The following NLRC5 variants were observed in gnomAD, a reference collection of about 807,000 sequenced individuals.
NLRC5 encodes the protein protein NLRC5.
In NLRC5, 114 loss-of-function variants were observed where a neutral mutation model predicts 206.9. The observed-to-expected ratio is 0.55, with a 90% CI of 0.47 to 0.64. The LOEUF (loss-of-function observed/expected upper bound fraction) is 0.64, where lower values mean the gene tolerates loss of function less well. Ranked by LOEUF, NLRC5 falls within the 30% of genes least tolerant of loss-of-function variation. The pLI is 0.00. For missense variants in NLRC5, 2,008 were observed against 2,305.5 expected (o/e 0.87, Z 2.64); for synonymous variants, 952 against 962.8 (o/e 0.99, Z 0.21).
intron 1 of NLRC5, chr16:57,013,003 G>C (rs1334312226): frequency 1.3e-5 from 2 of 159,176 alleles, no homozygotes; most frequent in African/African-American, 4.8e-5. Flanking sequence ...CACTCATATT[G>C]CCATATGTAT....
In NLRC5 at chr16:57,030,034, C is replaced by T. The variant is rs1468399327; in HGVS notation, c.2367C>T (p.Cys789=). 4 of 1,614,168 alleles carry T rather than the reference C, an allele frequency of 2.5e-6. No homozygotes were observed. The highest frequency in any genetic ancestry group is 3.4e-6 in the Non-Finnish European group (4 of 1,180,022). The change falls in exon 10 of 49, where the codon TGC becomes TGT. Residue 789 remains cysteine (C), a synonymous_variant. Transcript: ENST00000688547. ...SNSICVSTLL[C]LARVAVTCPT... is the part of the protein sequence containing the mutation. ...GCATCTGCGTGTCAACCCTACTCTG[C>T]TTGGCAAGGGTGGCAGTCACGTGTC...
chr16:56,992,123 G>C (rs2056966268), intron 1 of NLRC5: 1 of 152,224 alleles, frequency 6.6e-6, no homozygotes, highest in Admixed American at 6.5e-5. Context: ...CAGCCGGTGG[G>C]AACCAGGAGA....
intron 45 of NLRC5, 46 bp downstream of exon 45, chr16:57,079,338 G>C: frequency 6.3e-7 from 1 of 1,597,052 alleles, no homozygotes; most frequent in Non-Finnish European, 8.6e-7. Flanking sequence ...GGCAGGCTGA[G>C]GGCAGCCCTT....
chr16:57,056,476 G>T (rs1040037383), intron 27 of NLRC5, among the ~76,000 whole-genome samples: 2 of 152,068 alleles, frequency 1.3e-5, no homozygotes, highest in African/African-American at 4.8e-5. Context: ...TTTTGTAAGA[G>T]ATGAAGTCTC....
At chr16:57,051,803 C>T (rs1297917908) in intron 24 of NLRC5, among the ~76,000 whole-genome samples, 182 bp downstream of exon 24, 1 of 151,194 alleles carries the variant, frequency 6.6e-6, no homozygotes, top group Non-Finnish European at 1.5e-5. Context: ...CAACTGGGGA[C>T]TCCAATCTGC....
chr16:57,041,343 T>C (rs1273221822), intron 17 of NLRC5, 142 bp from the exon 18 acceptor site: 2 of 636,808 alleles, frequency 3.1e-6, no homozygotes, highest in Admixed American at 5.8e-5. Context: ...TCTTTGTCCG[T>C]CTGTCTAGGT....
intron 32 of NLRC5, chr16:57,062,435 A>G (rs2066633096): frequency 3.6e-6 from 1 of 278,682 alleles, no homozygotes; most frequent in Non-Finnish European, 7.0e-6. Context: ...TGACTCTTCT[A>G]ACCTGCGGCA....
chr16:57,067,656 TTGGCACCCCCTTC>T lies in NLRC5; in HGVS notation c.4407-76_4407-64del, dbSNP rs2067216644. 6.1e-6 allele frequency: 9 copies of T among 1,466,030 alleles called. No individual in the cohort carries two copies. In the South Asian group the frequency reaches 1.0e-4, roughly 17 times the overall value. The allele number at this position is 1,466,030 out of a possible 1,614,324, so 90.8% of individuals were successfully genotyped here. On this transcript the variant is annotated intron_variant, in intron 35 of 48. Transcript: ENST00000688547. ...CTCTTGGGTGGCCCCTTCTCCTCTCTTGGCACCCCCTTCTGGATGTGATGACCTCTGAGGTGTG... is the reference window on the plus strand; with the variant it reads ...CTCTTGGGTGGCCCCTTCTCCTCTCTTGGATGTGATGACCTCTGAGGTGTG...
chr16:57,078,229 C>G (rs746988064), intron 43 of NLRC5, among the ~76,000 whole-genome samples: 3 of 152,324 alleles, frequency 2.0e-5, no homozygotes, highest in Middle Eastern at 3.4e-3. Context: ...TGCCACTGGC[C>G]CCTGCCTGAC....
intron 45 of NLRC5, 93 bp downstream of exon 45, chr16:57,079,385 G>A: frequency 6.8e-7 from 1 of 1,468,096 alleles, no homozygotes; most frequent in Non-Finnish European, 9.5e-7. Context: ...GGCCTTTGAA[G>A]TGATAGAAGC....
intron 15 of NLRC5, among the ~76,000 whole-genome samples, chr16:57,038,883 C>T (rs1014864507): frequency 4.0e-5 from 6 of 149,316 alleles, no homozygotes; most frequent in African/African-American, 9.9e-5. Flanking sequence ...TGCAGTGAGC[C>T]GAGATCATGC....
At chr16:57,038,774 A>G (rs1330600856) in intron 15 of NLRC5, among the ~76,000 whole-genome samples, 1 of 151,880 alleles carries the variant, frequency 6.6e-6, no homozygotes, top group East Asian at 1.9e-4. Context: ...GTCTCTACTA[A>G]AAATACAAAA....
intron 15 of NLRC5, among the ~76,000 whole-genome samples, chr16:57,037,510 C>T (rs372218362): frequency 6.6e-6 from 1 of 152,114 alleles, no homozygotes. Flanking sequence ...GAACCAGAGA[C>T]GCCTGGCAGG....
intron 1 of NLRC5, among the ~76,000 whole-genome samples, chr16:57,015,615 T>G (rs1196139661): frequency 1.3e-5 from 2 of 148,914 alleles, no homozygotes; most frequent in African/African-American, 4.9e-5. Flanking sequence ...AATAAATAAA[T>G]AAATAAATAA....
chr16:56,999,609 C>A (rs2058024112), intron 1 of NLRC5, among the ~76,000 whole-genome samples: 1 of 152,280 alleles, frequency 6.6e-6, no homozygotes, highest in Admixed American at 6.5e-5. Context: ...GTGTGCCAAG[C>A]CCTGGCAGAG....
At chr16:57,066,960 C>T (rs1268096062) in intron 34 of NLRC5, among the ~76,000 whole-genome samples, 1 of 151,430 alleles carries the variant, frequency 6.6e-6, no homozygotes, top group Non-Finnish European at 1.5e-5. Flanking sequence ...TTAAATGCCA[C>T]CACCTCAGGG....
intron 12 of NLRC5, 39 bp from the exon 13 acceptor site, chr16:57,034,129 G>T: frequency 6.3e-7 from 1 of 1,574,952 alleles, no homozygotes. Context: ...AGTAGGGGCT[G>T]TTTGCCCTGA....
chr16:57,052,037 G>A (rs1441139400), intron 24 of NLRC5, among the ~76,000 whole-genome samples: 1 of 152,136 alleles, frequency 6.6e-6, no homozygotes, highest in African/African-American at 2.4e-5. Context: ...TCGTAGAAAG[G>A]GGCTGTACAG....
intron 38 of NLRC5, among the ~76,000 whole-genome samples, chr16:57,073,107 C>T (rs1226793399): frequency 2.0e-5 from 3 of 152,134 alleles, no homozygotes; most frequent in African/African-American, 7.2e-5. Flanking sequence ...TTCATGCATT[C>T]GACAAATATG....
Sources: allele counts gnomAD v4.1 joint callset (sites outside exome capture counted in the v4.1 genomes callset), GRCh38; gene constraint gnomAD v4.1.1; transcripts MANE v1.5; gene names NCBI Gene and HGNC (gene_info 2026-07-23, HGNC 2026-07-21).